STIM1: variants seen among roughly 807,000 people sequenced by gnomAD.
STIM1 encodes stromal interaction molecule 1.
In STIM1, 25 loss-of-function variants were observed where a neutral mutation model predicts 74.7. The observed-to-expected ratio is 0.33, with a 90% CI of 0.24 to 0.47. The LOEUF (loss-of-function observed/expected upper bound fraction) is 0.47. Ranked by LOEUF, STIM1 falls within the 20% of genes least tolerant of loss-of-function variation. STIM1 has a pLI of 1.00. For synonymous variants in STIM1, 328 were observed against 348.8 expected (o/e 0.94, Z 0.66); for missense variants, 728 against 920.8 (o/e 0.79, Z 2.71).
chr11:3,912,698 A>G (rs1049750587), intron 1 of STIM1, among the ~76,000 whole-genome samples: 2 of 152,212 alleles, frequency 1.3e-5, no homozygotes, highest in African/African-American at 4.8e-5. Flanking sequence ...AAATATAAAA[A>G]AAACTGAGGT....
At chr11:3,996,927 A>G (rs536966747) in intron 2 of STIM1, among the ~76,000 whole-genome samples, 6 of 152,346 alleles carry the variant, frequency 3.9e-5, no homozygotes, top group African/African-American at 1.4e-4. Context: ...ACCCCAATTA[A>G]GAAGATAATC....
At chr11:4,089,956 T>TG (rs2094514106) in intron 12 of STIM1, among the ~76,000 whole-genome samples, 2 of 152,140 alleles carry the variant, frequency 1.3e-5, no homozygotes, top group Non-Finnish European at 2.9e-5. Flanking sequence ...ATATCTACCT[T>TG]TTTGTCTGTA....
chr11:4,066,967 C>T (rs1018156697), intron 5 of STIM1, among the ~76,000 whole-genome samples: 4 of 152,214 alleles, frequency 2.6e-5, no homozygotes, highest in African/African-American at 4.8e-5. Context: ...GTGTGGGGTA[C>T]AGCCTAGGGC....
intron 11 of STIM1, 67 bp from the exon 12 acceptor site, chr11:4,086,410 G>C: frequency 6.3e-7 from 1 of 1,578,614 alleles, no homozygotes; most frequent in East Asian, 2.3e-5. Flanking sequence ...TTATTCATGG[G>C]CACCTCCTTA....
chr11:4,016,216 C>T lies in STIM1; in HGVS notation c.271-7657C>T, dbSNP rs563165676. Among the ~76,000 whole-genome samples, 11 of 152,288 alleles carry T rather than the reference C, an allele frequency of 7.2e-5. No individual in the cohort carries two copies. The East Asian group carries it at 2.1e-3, about 29-fold the overall frequency. ...TTTGTTCTTTGATGTTGGTGACCTACAGATGGGGTTTTGGTGTGGATGTCC... is the reference window on the plus strand; with the variant it reads ...TTTGTTCTTTGATGTTGGTGACCTATAGATGGGGTTTTGGTGTGGATGTCC... On this transcript the variant is annotated intron_variant, in intron 2 of 12. Transcript: ENST00000526596.
At chr11:3,979,402 T>C (rs1477095226) in intron 2 of STIM1, among the ~76,000 whole-genome samples, 1 of 152,148 alleles carries the variant, frequency 6.6e-6, no homozygotes, top group Admixed American at 6.5e-5. Flanking sequence ...TACCACTCCA[T>C]CTCTTTAAAT....
At chr11:4,062,151 C>T (rs569337941) in intron 5 of STIM1, among the ~76,000 whole-genome samples, 3 of 152,188 alleles carry the variant, frequency 2.0e-5, no homozygotes, top group Admixed American at 6.5e-5. Context: ...AATTTTACCT[C>T]AAATTATTTT....
chr11:3,884,089 G>A (rs1332976764), intron 1 of STIM1, among the ~76,000 whole-genome samples: 2 of 152,146 alleles, frequency 1.3e-5, no homozygotes, highest in African/African-American at 4.8e-5. Flanking sequence ...TGCTATTTTA[G>A]GTAGAGGGGT....
intron 3 of STIM1, among the ~76,000 whole-genome samples, chr11:4,041,657 G>T (rs1299094527): frequency 1.3e-5 from 2 of 151,820 alleles, no homozygotes; most frequent in Non-Finnish European, 1.5e-5. Context: ...GGGTGGAGTG[G>T]TGCAATCTTG....
Position 3,935,997 on chromosome 11 carries a change from C to T in STIM1, c.140-31555C>T, listed in dbSNP as rs7928111. 7.0e-3 allele frequency among the ~76,000 whole-genome samples: 1,072 copies of T among 152,278 alleles called. 15 individuals carry two copies. The highest frequency in any genetic ancestry group is 0.022 in the African/African-American group (903 of 41,570). Reference sequence around the variant, plus strand: ...AGTTACTATAATTCTTTTAACTTTTCAAATGGACTTTATTGAGATATAATT... The same window carrying T: ...AGTTACTATAATTCTTTTAACTTTTTAAATGGACTTTATTGAGATATAATT... On this transcript the variant is annotated intron_variant, in intron 1 of 12. Coordinates refer to ENST00000526596, the MANE Select transcript of STIM1 (RefSeq NM_001382567.1).
At chr11:3,968,803 A>G (rs1323284578) in intron 2 of STIM1, among the ~76,000 whole-genome samples, 3 of 152,246 alleles carry the variant, frequency 2.0e-5, no homozygotes, top group Non-Finnish European at 4.4e-5. Flanking sequence ...AGTGAAAACC[A>G]TGATACTAGC....
In STIM1 at chr11:3,902,887, C is replaced by T. The variant is rs566662643; in HGVS notation, c.139+46478C>T. Among the ~76,000 whole-genome samples the T allele has an allele frequency of 3.3e-5, 5 of 152,158 alleles. No homozygotes were observed. The East Asian group carries it at 9.7e-4, about 29-fold the overall frequency. On this transcript the variant is annotated intron_variant, in intron 1 of 12. Transcript: ENST00000526596. ...ATAGAGGCAAAGGATCATAAATGAT[C>T]GTCAGAAGGGAGCTGGTGGATTATG...
intron 3 of STIM1, among the ~76,000 whole-genome samples, chr11:4,035,183 C>A (rs1393352694): frequency 6.7e-6 from 1 of 150,328 alleles, no homozygotes; most frequent in East Asian, 1.9e-4. Flanking sequence ...TGAGACCTTT[C>A]TTCTTTTCTA....
chr11:3,858,057 A>T (rs1021197726), intron 1 of STIM1, among the ~76,000 whole-genome samples: 5 of 152,194 alleles, frequency 3.3e-5, no homozygotes, highest in African/African-American at 1.2e-4. Context: ...CCTAATTATC[A>T]TCTCTTCCTG....
intron 2 of STIM1, among the ~76,000 whole-genome samples, chr11:4,004,798 C>T (rs1051340874): frequency 6.6e-6 from 1 of 152,078 alleles, no homozygotes; most frequent in Non-Finnish European, 1.5e-5. Context: ...AGTGAACAGG[C>T]AACTGACAAA....
chr11:3,958,947 G>C (rs1194522193), intron 1 of STIM1, among the ~76,000 whole-genome samples: 1 of 129,032 alleles, frequency 7.8e-6, no homozygotes, highest in Non-Finnish European at 1.7e-5. Flanking sequence ...GCAAAACTCT[G>C]TCTAAAAAAA....
intron 10 of STIM1, among the ~76,000 whole-genome samples, chr11:4,084,196 C>T (rs945477999): frequency 7.9e-5 from 12 of 152,148 alleles, no homozygotes; most frequent in African/African-American, 2.9e-4. Flanking sequence ...CTTACTGGCC[C>T]ACAATTGAAT....
chr11:4,079,059 A>G (rs1018836999), intron 7 of STIM1, among the ~76,000 whole-genome samples: 6 of 152,106 alleles, frequency 3.9e-5, no homozygotes, highest in Admixed American at 2.0e-4. Flanking sequence ...TGGGAGGCCA[A>G]AGCGGGCGGA....
chr11:3,925,442 A>G (rs1252925922), intron 1 of STIM1, among the ~76,000 whole-genome samples: 1 of 152,340 alleles, frequency 6.6e-6, no homozygotes, highest in East Asian at 1.9e-4. Context: ...TCTTTGTACT[A>G]TTTAATCCAC....
Sources: gnomAD v4.1 joint callset for allele counts (sites outside exome capture counted in the v4.1 genomes callset) on GRCh38, gnomAD v4.1.1 for gene constraint, MANE v1.5 for transcripts, NCBI Gene and HGNC (gene_info 2026-07-23, HGNC 2026-07-21) for gene names.